Variants in TASOR2 observed in about 807,000 individuals in gnomAD.
TASOR2 encodes the protein transcription activation suppressor family member 2.
Under a neutral mutation model 199.5 loss-of-function variants are expected in TASOR2, and 84 were observed. The observed-to-expected ratio is 0.42, with a 90% confidence interval of 0.35 to 0.50. The LOEUF is 0.50. Ranked by LOEUF, TASOR2 falls within the 20% of genes least tolerant of loss-of-function variation. The pLI, the probability that TASOR2 is intolerant of heterozygous loss-of-function variation, is 0.02. For synonymous variants in TASOR2, 1,103 were observed against 1,046.6 expected (o/e 1.05, Z -1.04); for missense variants, 2,796 against 2,835.9 (o/e 0.99, Z 0.32).
intron 20 of TASOR2, 84 bp downstream of exon 21, chr10:5,762,730 T>C (rs1043106399): frequency 6.6e-6 from 5 of 762,084 alleles, no homozygotes; most frequent in Admixed American, 5.2e-5. Context: ...AGGGAAACAG[T>C]TGGGAAACTG....
At chr10:5,732,325 G>A (rs780499452) in intron 11 of TASOR2, among the ~76,000 whole-genome samples, 79 of 152,250 alleles carry the variant, frequency 5.2e-4, no homozygotes, top group African/African-American at 8.7e-4. Flanking sequence ...TGCCTGTGTC[G>A]TCTCTGGCTG....
At chr10:5,763,112 A>C in exon 21 of TASOR2, 1 of 1,304,850 alleles carries the variant, frequency 7.7e-7, no homozygotes, top group Non-Finnish European at 1.1e-6. Flanking sequence ...TGAACATGTG[A>C]ATACACATGT....
At position 5,687,765 on chromosome 10, in the gene TASOR2, C is replaced by A. The variant is rs1291166953; in HGVS notation, c.-288+2590C>A. Among the ~76,000 whole-genome samples, 1 of 152,210 alleles carries A rather than the reference C, an allele frequency of 6.6e-6. No individual in the cohort carries two copies. Among genetic ancestry groups the A allele is most frequent in the Non-Finnish European group, 1.5e-5 (1 of 68,036 alleles). On this transcript the variant is annotated intron_variant, in intron 1 of 20. Transcript: ENST00000328090. The surrounding 1 kb of genome is among the most constrained non-coding windows in gnomAD (Gnocchi z 4.8). ...AACCTGGGAGACAGGTTGCAGTGAGCCAAGGTTGTGTCACTCTACGGCAGC... is the reference window on the plus strand; with the variant it reads ...AACCTGGGAGACAGGTTGCAGTGAGACAAGGTTGTGTCACTCTACGGCAGC...
chr10:5,746,124 A>G, intron 14 of TASOR2, 55 bp from the exon 16 acceptor site: 4 of 1,488,172 alleles, frequency 2.7e-6, no homozygotes, highest in East Asian at 2.3e-5. Flanking sequence ...ATATAATCGT[A>G]TAAAAAACAT....
At chr10:5,726,886 C>T (rs1360773674) in exon 9 of TASOR2, 1 of 1,613,170 alleles carries the variant, frequency 6.2e-7, no homozygotes, top group Non-Finnish European at 8.5e-7. Context: ...TTATTTAAGG[C>T]AATCATCAAA....
At chr10:5,733,185 A>G (rs1472375341) in intron 11 of TASOR2, among the ~76,000 whole-genome samples, 1 of 152,202 alleles carries the variant, frequency 6.6e-6, no homozygotes, top group Non-Finnish European at 1.5e-5. Context: ...TATGTGTAAT[A>G]CAGTCTGATA....
At chr10:5,728,560 C>T (rs375760254) in intron 10 of TASOR2, among the ~76,000 whole-genome samples, 7 of 151,702 alleles carry the variant, frequency 4.6e-5, no homozygotes, top group South Asian at 2.1e-4. Context: ...CATTGGAACC[C>T]GGGAGGCAGA....
Position 5,725,170 on chromosome 10 carries a change from C to T in TASOR2, c.351+637C>T, listed in dbSNP as rs139732807. On this transcript the variant is annotated intron_variant, in intron 8 of 20. Coordinates refer to ENST00000328090, the Ensembl canonical transcript of TASOR2. ...ATCCCAGCACTTTGGGAGACCAAGG[C>T]GGGCGGATCACGAGGTCAGGAGATC... Among the ~76,000 whole-genome samples, 940 of 152,006 alleles carry T rather than the reference C, an allele frequency of 6.2e-3. 16 individuals are homozygous for T. The highest frequency in any genetic ancestry group is 0.045 in the South Asian group (218 of 4,802).
intron 15 of TASOR2, among the ~76,000 whole-genome samples, chr10:5,755,089 A>G (rs779327702): frequency 3.3e-5 from 5 of 151,448 alleles, no homozygotes; most frequent in Non-Finnish European, 5.9e-5. Flanking sequence ...AGGGTGTGAC[A>G]GAATAGGTCA....
Position 5,712,866 on chromosome 10 carries a change from A to G in TASOR2, c.-244A>G, listed in dbSNP as rs1049242492. Reference sequence around the variant, plus strand: ...CAAAAAAAAGCAAGTAGTTATACTCAGGAAGAACTTCAAGACACTTACGGG... The same window carrying G: ...CAAAAAAAAGCAAGTAGTTATACTCGGGAAGAACTTCAAGACACTTACGGG... On this transcript the variant is annotated 5_prime_UTR_variant, in exon 2 of 21. Coordinates refer to ENST00000328090, the Ensembl canonical transcript of TASOR2. 9.7e-6 allele frequency: 12 copies of G among 1,231,352 alleles called. No individual in the cohort carries two copies. The African/African-American group carries it at 1.9e-4, about 19-fold the overall frequency. The allele number at this position is 1,231,352 out of a possible 1,614,324, so 76.3% of individuals were successfully genotyped here.
At chr10:5,691,202 AAAG>A (rs1207495203) in intron 1 of TASOR2, among the ~76,000 whole-genome samples, 1 of 152,008 alleles carries the variant, frequency 6.6e-6, no homozygotes, top group Admixed American at 6.5e-5. Flanking sequence ...AAAAAAAAAA[AAAG>A]AAAGTTATAT....
At position 5,690,206 on chromosome 10, in the gene TASOR2, G is replaced by A. The variant is rs1836272622; in HGVS notation, c.-288+5031G>A. 6.6e-6 allele frequency among the ~76,000 whole-genome samples: 1 copy of A among 151,788 alleles called. No individual in the cohort carries two copies. The highest frequency in any genetic ancestry group is 6.6e-5 in the Admixed American group (1 of 15,226). ...AACCAGCTTTTGCTTTTATTGCTTGGCTTAGTTGGCTTTTTTAATTTGCTT... is the reference window on the plus strand; with the variant it reads ...AACCAGCTTTTGCTTTTATTGCTTGACTTAGTTGGCTTTTTTAATTTGCTT... On this transcript the variant is annotated intron_variant, in intron 1 of 20. Transcript: ENST00000328090. This position sits in a 1 kb window ranked among gnomAD's most constrained non-coding sequence, Gnocchi z 4.8.
At chr10:5,746,249 C>T (rs758774724) in exon 15 of TASOR2, 10 of 1,612,796 alleles carry the variant, frequency 6.2e-6, no homozygotes, top group Admixed American at 1.7e-5. Flanking sequence ...ATTGGAAGTA[C>T]ACAAACTAAT....
chr10:5,752,586 A>G lies in TASOR2; in HGVS notation c.6606+2559A>G, dbSNP rs1838225086. 6.6e-6 allele frequency among the ~76,000 whole-genome samples: 1 copy of G among 152,202 alleles called. No homozygotes were observed. The highest frequency in any genetic ancestry group is 2.1e-4 in the South Asian group (1 of 4,830). On this transcript the variant is annotated intron_variant, in intron 15 of 20. Coordinates refer to ENST00000328090, the Ensembl canonical transcript of TASOR2. The surrounding 1 kb of genome is among the most constrained non-coding windows in gnomAD (Gnocchi z 4.4). The stretch of plus-strand genomic sequence containing the variant: ...TCCATGGGGGCTGGATTACTGAGTA[A>G]CGAGTTACTTAGTAATGAAGGACAC...
At chr10:5,758,752 C>T in intron 17 of TASOR2, 135 bp from the exon 19 acceptor site, 1 of 640,688 alleles carries the variant, frequency 1.6e-6, no homozygotes, top group Non-Finnish European at 2.7e-6. Flanking sequence ...ACATAAGTGA[C>T]AGTGATGGTG....
rs906550208 is a variant in TASOR2 at position 5,719,008 on chromosome 10, C to T, written c.-100+1258C>T. ...TTCATTTTATTTCACAAAATCGAGCCGCACCCAGAACCATAAAATGTTTGA... is the reference window on the plus strand; with the variant it reads ...TTCATTTTATTTCACAAAATCGAGCTGCACCCAGAACCATAAAATGTTTGA... On this transcript the variant is annotated intron_variant, in intron 3 of 20. Coordinates refer to ENST00000328090, the Ensembl canonical transcript of TASOR2. This position sits in a 1 kb window ranked among gnomAD's most constrained non-coding sequence, Gnocchi z 4.1. 2.0e-5 allele frequency among the ~76,000 whole-genome samples: 3 copies of T among 151,998 alleles called. No individual in the cohort carries two copies. Among genetic ancestry groups the T allele is most frequent in the Non-Finnish European group, 4.4e-5 (3 of 67,992 alleles).
intron 12 of TASOR2, 24 bp from the exon 14 acceptor site, chr10:5,739,594 T>C: frequency 7.0e-7 from 1 of 1,420,242 alleles, no homozygotes; most frequent in Non-Finnish European, 9.5e-7. Flanking sequence ...AACATCTCTC[T>C]TTTTTTTTTC....
In TASOR2 at chr10:5,730,330, C is replaced by T. The variant is rs953898077; in HGVS notation, c.488-157C>T. On this transcript the variant is annotated intron_variant, in intron 10 of 20. Transcript: ENST00000328090. This position sits in a 1 kb window ranked among gnomAD's most constrained non-coding sequence, Gnocchi z 4.1. Reference sequence around the variant, plus strand: ...ATGGAGATACATTTGTTAAATGTACCTCTAAGTCTTCTATTAATTGCCATT... The same window carrying T: ...ATGGAGATACATTTGTTAAATGTACTTCTAAGTCTTCTATTAATTGCCATT... Among the ~76,000 whole-genome samples, 1 of 152,104 alleles carries T rather than the reference C, an allele frequency of 6.6e-6. No homozygotes were observed. The highest frequency in any genetic ancestry group is 1.5e-5 in the Non-Finnish European group (1 of 68,028).
chr10:5,697,690 T>C (rs1302470873), intron 1 of TASOR2, among the ~76,000 whole-genome samples: 1 of 152,176 alleles, frequency 6.6e-6, no homozygotes. Flanking sequence ...AGGCACCATA[T>C]TATAAAACAG....
Sources: allele counts gnomAD v4.1 joint callset (sites outside exome capture counted in the v4.1 genomes callset), GRCh38; gene constraint gnomAD v4.1.1; non-coding constraint Gnocchi (gnomAD v3.1); transcripts MANE v1.5; gene names NCBI Gene and HGNC (gene_info 2026-07-23, HGNC 2026-07-21).